DRC11: variants seen among roughly 807,000 people sequenced by gnomAD.
DRC11 encodes dynein regulatory complex subunit 11.
chr2:236,492,040 C>T, the DRC11 span, among the ~76,000 whole-genome samples: 1 of 152,198 alleles, frequency 6.6e-6, no homozygotes, highest in African/African-American at 2.4e-5. Flanking sequence ...TTCTTGCTCT[C>T]TTACTATGTG....
the DRC11 span, chr2:236,440,992 A>G: frequency 8.7e-7 from 1 of 1,154,366 alleles, no homozygotes; most frequent in Non-Finnish European, 1.3e-6. Context: ...AAGTTTAAAG[A>G]AATGTCATTT....
the DRC11 span, among the ~76,000 whole-genome samples, chr2:236,451,376 T>TATATAG: frequency 4.1e-4 from 62 of 151,826 alleles, no homozygotes; most frequent in African/African-American, 1.4e-3. Context: ...TATATATATA[T>TATATAG]AGATATATAT....
the DRC11 span, among the ~76,000 whole-genome samples, chr2:236,463,050 G>A: frequency 1.3e-5 from 2 of 152,090 alleles, no homozygotes; most frequent in Admixed American, 1.3e-4. The surrounding 1 kb of genome is among the most constrained non-coding windows in gnomAD (Gnocchi z 5.0). Context: ...ATGGTAGCAC[G>A]GGAAAACTGG....
the DRC11 span, among the ~76,000 whole-genome samples, chr2:236,340,682 T>C: frequency 6.6e-6 from 1 of 152,316 alleles, no homozygotes; most frequent in Non-Finnish European, 1.5e-5. Flanking sequence ...GAGCCCACCC[T>C]CAGCAACCCA....
the DRC11 span, chr2:236,408,847 T>C: frequency 2.9e-5 from 19 of 655,820 alleles, no homozygotes; most frequent in African/African-American, 2.2e-4. The surrounding 1 kb of genome is among the most constrained non-coding windows in gnomAD (Gnocchi z 5.5). Context: ...GTCTCCACAA[T>C]AGTCACAGCC....
At chr2:236,358,144 A>ATAATAT in the DRC11 span, among the ~76,000 whole-genome samples, 2 of 87,682 alleles carry the variant, frequency 2.3e-5, no homozygotes, top group Non-Finnish European at 4.7e-5. Flanking sequence ...ATAATATATA[A>ATAATAT]ATAGATATAT....
chr2:236,429,876 T>C, the DRC11 span, among the ~76,000 whole-genome samples: 1 of 152,150 alleles, frequency 6.6e-6, no homozygotes, highest in Non-Finnish European at 1.5e-5. This position sits in a 1 kb window ranked among gnomAD's most constrained non-coding sequence, Gnocchi z 5.9. Context: ...GGTCCCCTGC[T>C]TCTGTGCAGG....
At chr2:236,410,162 T>G in the DRC11 span, among the ~76,000 whole-genome samples, 8 of 151,630 alleles carry the variant, frequency 5.3e-5, no homozygotes, top group Non-Finnish European at 1.2e-4. Context: ...TTCTATTGAT[T>G]GGAATAGTTT....
the DRC11 span, chr2:236,331,654 A>G: frequency 7.6e-7 from 1 of 1,309,586 alleles, no homozygotes; most frequent in Non-Finnish European, 1.1e-6. The surrounding 1 kb of genome is among the most constrained non-coding windows in gnomAD (Gnocchi z 4.8). Context: ...AATCAGTGCC[A>G]GTTTCCCTCT....
At chr2:236,450,699 C>T in the DRC11 span, among the ~76,000 whole-genome samples, 11 of 152,134 alleles carry the variant, frequency 7.2e-5, no homozygotes, top group South Asian at 6.2e-4. Flanking sequence ...ATTCTTACTA[C>T]GTTTTTAACC....
At chr2:236,346,799 C>T in the DRC11 span, 1 of 167,526 alleles carries the variant, frequency 6.0e-6, no homozygotes, top group Non-Finnish European at 1.5e-5. Flanking sequence ...TAAACAGAAA[C>T]ACCGGAAGTG....
chr2:236,503,797 G>A, the DRC11 span: 57 of 1,134,386 alleles, frequency 5.0e-5, no homozygotes, highest in South Asian at 4.8e-4. The surrounding 1 kb of genome is among the most constrained non-coding windows in gnomAD (Gnocchi z 4.9). Flanking sequence ...CCTCGGCCAC[G>A]CCAGCCTGGG....
chr2:236,404,552 G>C, the DRC11 span, among the ~76,000 whole-genome samples: 1 of 152,328 alleles, frequency 6.6e-6, no homozygotes, highest in South Asian at 2.1e-4. Context: ...TCAAGCAACG[G>C]TGCTGGTTTA....
the DRC11 span, among the ~76,000 whole-genome samples, chr2:236,358,846 C>T: frequency 2.0e-5 from 3 of 148,206 alleles, no homozygotes; most frequent in South Asian, 6.4e-4. Flanking sequence ...CGTCACGTGG[C>T]CCCCCAGCTG....
the DRC11 span, among the ~76,000 whole-genome samples, chr2:236,414,019 T>G: frequency 6.6e-6 from 1 of 152,248 alleles, no homozygotes; most frequent in African/African-American, 2.4e-5. Flanking sequence ...GTTAAAGTGC[T>G]TTCCACAGAG....
the DRC11 span, chr2:236,344,591 G>GT: frequency 6.2e-7 from 1 of 1,613,756 alleles, no homozygotes; most frequent in Non-Finnish European, 8.5e-7. Flanking sequence ...TTTGTAGAAG[G>GT]TTTTTTCTGT....
chr2:236,336,586 C>A, the DRC11 span, among the ~76,000 whole-genome samples: 1 of 152,128 alleles, frequency 6.6e-6, no homozygotes, highest in Non-Finnish European at 1.5e-5. The surrounding 1 kb of genome is among the most constrained non-coding windows in gnomAD (Gnocchi z 7.3). Context: ...TCCCCAGAGC[C>A]ACCCACACCA....
chr2:236,497,541 A>G, the DRC11 span: 3 of 1,332,600 alleles, frequency 2.3e-6, no homozygotes, highest in Non-Finnish European at 3.1e-6. This position sits in a 1 kb window ranked among gnomAD's most constrained non-coding sequence, Gnocchi z 5.1. Context: ...CACTTGGTAA[A>G]ACATAAACAT....
chr2:236,472,543 G>A, the DRC11 span, among the ~76,000 whole-genome samples: 1 of 152,188 alleles, frequency 6.6e-6, no homozygotes, highest in Non-Finnish European at 1.5e-5. The surrounding 1 kb of genome is among the most constrained non-coding windows in gnomAD (Gnocchi z 4.6). Flanking sequence ...TTTGTTGCAT[G>A]AAAAGTTATA....
Sources: allele counts gnomAD v4.1 joint callset (sites outside exome capture counted in the v4.1 genomes callset), GRCh38; gene constraint gnomAD v4.1.1; non-coding constraint Gnocchi (gnomAD v3.1); transcripts MANE v1.5; gene names NCBI Gene and HGNC (gene_info 2026-07-23, HGNC 2026-07-21).